Variants in GNB5 observed in about 807,000 individuals in gnomAD.
The protein encoded by GNB5 is guanine nucleotide-binding protein subunit beta-5.
In GNB5, 37 loss-of-function variants were observed where a neutral mutation model predicts 55.3. That is an observed-to-expected ratio of 0.67 (90% CI 0.51 to 0.88). The LOEUF (loss-of-function observed/expected upper bound fraction) is 0.88, where lower values mean the gene tolerates loss of function less well. Among genes scored for constraint, GNB5 ranks in the 40% least tolerant of loss-of-function variants. GNB5 has a pLI of 0.00. For missense variants in GNB5, 476 were observed against 515.3 expected, an observed-to-expected ratio of 0.92 and a Z score of 0.74; for synonymous variants, 219 against 198.5, an observed-to-expected ratio of 1.10 and a Z score of -0.87.
In GNB5 at chr15:52,120,087, T is replaced by G. The variant is rs1325880127; in HGVS notation, c.*2670A>C. 6.6e-6 allele frequency: 1 copy of G among 152,238 alleles called. No individual in the cohort carries two copies. Among genetic ancestry groups the G allele is most frequent in the Non-Finnish European group, 1.5e-5 (1 of 68,126 alleles). 9.4% of individuals were successfully genotyped at this position (152,238 alleles called of 1,614,324 possible). On this transcript the variant is annotated 3_prime_UTR_variant, in exon 13 of 13. Transcript: ENST00000261837. ...CACAGATATTTCCCATAAATACCCA[T>G]CACCCACACCTTTCTGCCTGAACTT...
intron 2 of GNB5, chr15:52,180,121 C>A (rs1382162545): frequency 3.0e-6 from 1 of 335,160 alleles, no homozygotes; most frequent in Non-Finnish European, 5.1e-6. Flanking sequence ...CCGGGAGAGG[C>A]AGGGAGTGTG....
intron 6 of GNB5, among the ~76,000 whole-genome samples, chr15:52,141,501 C>T (rs532960793): frequency 6.6e-6 from 1 of 151,058 alleles, no homozygotes; most frequent in East Asian, 1.9e-4. Context: ...CTCTTGGCCT[C>T]GAACTCGTGG....
chr15:52,190,335 T>A (rs552210044), intron 1 of GNB5, among the ~76,000 whole-genome samples: 6 of 152,170 alleles, frequency 3.9e-5, no homozygotes, highest in South Asian at 4.1e-4. Context: ...ACCAGGATGC[T>A]CTCAATCTCC....
At chr15:52,155,597 G>C (rs1016907611) in intron 3 of GNB5, among the ~76,000 whole-genome samples, 8 of 152,168 alleles carry the variant, frequency 5.3e-5, no homozygotes, top group Admixed American at 3.3e-4. Context: ...GAAAATCCAC[G>C]ATCATAGATT....
chr15:52,186,999 C>A (rs1306153132), intron 1 of GNB5, among the ~76,000 whole-genome samples: 1 of 152,210 alleles, frequency 6.6e-6, no homozygotes, highest in Non-Finnish European at 1.5e-5. Flanking sequence ...GGCAGGACAT[C>A]TGTGTTACAG....
At chr15:52,184,751 T>G (rs577445759) in intron 1 of GNB5, 57 bp from the exon 2 acceptor site, 1 of 1,423,890 alleles carries the variant, frequency 7.0e-7, no homozygotes, top group East Asian at 2.3e-5. Context: ...GTTTTAACTT[T>G]CTAAAATCTC....
chr15:52,126,136 C>A (rs954541655), intron 10 of GNB5, 92 bp from the exon 11 acceptor site: 5 of 657,736 alleles, frequency 7.6e-6, no homozygotes, highest in Non-Finnish European at 1.4e-5. Flanking sequence ...TAGTGACTTG[C>A]GTAGTTTAAA....
chr15:52,137,183 T>C (rs932496486), intron 7 of GNB5: 2 of 1,085,086 alleles, frequency 1.8e-6, no homozygotes, highest in South Asian at 1.7e-5. Flanking sequence ...CTGTGGCAGG[T>C]CAGATAACCT....
At chr15:52,140,708 T>TTTAA (rs1309558935) in intron 7 of GNB5, among the ~76,000 whole-genome samples, 1 of 152,248 alleles carries the variant, frequency 6.6e-6, no homozygotes, top group Non-Finnish European at 1.5e-5. Context: ...AGAGCAAAGA[T>TTTAA]TTAATATGGT....
intron 2 of GNB5, chr15:52,180,658 C>G (rs2034754409): frequency 6.6e-6 from 1 of 152,168 alleles, no homozygotes; most frequent in South Asian, 2.1e-4. Context: ...TCTCGGACCT[C>G]TCACTTCTGA....
chr15:52,164,107 G>C (rs909683824), intron 3 of GNB5, among the ~76,000 whole-genome samples: 34 of 150,880 alleles, frequency 2.3e-4, no homozygotes, highest in African/African-American at 8.3e-4. Flanking sequence ...TTCAAGACCA[G>C]CCTGACCAAC....
At chr15:52,138,102 C>T (rs2033768118) in intron 7 of GNB5, among the ~76,000 whole-genome samples, 1 of 152,084 alleles carries the variant, frequency 6.6e-6, no homozygotes, top group Non-Finnish European at 1.5e-5. Flanking sequence ...ATATGTTAGG[C>T]CTTGAACATA....
At chr15:52,182,610 A>G (rs1414157185) in intron 2 of GNB5, among the ~76,000 whole-genome samples, 2 of 152,308 alleles carry the variant, frequency 1.3e-5, no homozygotes, top group African/African-American at 4.8e-5. Flanking sequence ...GAGGTCAGCT[A>G]CATTCCACAG....
Position 52,145,346 on chromosome 15 carries a change from T to G in GNB5, c.494+2113A>C, listed in dbSNP as rs1056885867. ...ATCCACTTTTGAGCTATTTTAAAAA[T>G]TAAAAAATATGGGCCGGGTGCAGTG... is the stretch of plus-strand genomic sequence containing the variant. On this transcript the variant is annotated intron_variant, in intron 6 of 12. Coordinates refer to ENST00000261837, the MANE Select transcript of GNB5 (RefSeq NM_016194.4). Among the ~76,000 whole-genome samples the G allele has an allele frequency of 1.8e-4, 27 of 152,018 alleles. No homozygotes were observed. The East Asian group carries it at 5.2e-3, about 29-fold the overall frequency.
chr15:52,116,665 T>G lies in GNB5; in HGVS notation c.*6092A>C, dbSNP rs1001434311. ...ATGACAAATAGAGCTGGGGAGGCCA[T>G]GAAGAGGGGATTCTCATGCTTGTAT... On this transcript the variant is annotated 3_prime_UTR_variant, in exon 13 of 13. Transcript: ENST00000261837. 10 of 152,160 alleles carry G rather than the reference T, an allele frequency of 6.6e-5. No individual in the cohort carries two copies. Among genetic ancestry groups the G allele is most frequent in the African/African-American group, 2.4e-4 (10 of 41,442 alleles). 9.4% of individuals were successfully genotyped at this position (152,160 alleles called of 1,614,324 possible). A position where few individuals can be genotyped will look rare whatever the true frequency, so the allele number is the denominator to read the frequency against.
chr15:52,184,918 C>T (rs1331083019), intron 1 of GNB5, among the ~76,000 whole-genome samples: 6 of 152,230 alleles, frequency 3.9e-5, no homozygotes, highest in African/African-American at 7.2e-5. Context: ...GAACTTAACA[C>T]GTTTAACCAG....
At chr15:52,173,019 T>C (rs1253579926) in intron 3 of GNB5, among the ~76,000 whole-genome samples, 1 of 152,230 alleles carries the variant, frequency 6.6e-6, no homozygotes, top group Non-Finnish European at 1.5e-5. Context: ...ATCTTTTTTT[T>C]TCATTTGATA....
chr15:52,174,203 G>C (rs1337605152), intron 3 of GNB5, among the ~76,000 whole-genome samples: 2 of 152,170 alleles, frequency 1.3e-5, no homozygotes, highest in African/African-American at 4.8e-5. Flanking sequence ...CTCCCCTAAA[G>C]CTTCCAGAAG....
Position 52,118,071 on chromosome 15 carries a change from C to G in GNB5, c.*4686G>C, listed in dbSNP as rs1034060881. The G allele has an allele frequency of 6.5e-6, 1 of 152,688 alleles. No individual in the cohort carries two copies. Among genetic ancestry groups the G allele is most frequent in the Non-Finnish European group, 1.5e-5 (1 of 68,420 alleles). The allele number at this position is 152,688 out of a possible 1,614,324, so 9.5% of individuals were successfully genotyped here. A position where few individuals can be genotyped will look rare whatever the true frequency, so the allele number is the denominator to read the frequency against. The stretch of plus-strand genomic sequence containing the variant: ...GTCACAGGCCTCAGCTGGTCCCTAG[C>G]CCTTCCGACTGCCTCTCTGGGACTT... On this transcript the variant is annotated 3_prime_UTR_variant, in exon 13 of 13. Transcript: ENST00000261837.
Sources: allele counts gnomAD v4.1 joint callset (sites outside exome capture counted in the v4.1 genomes callset), GRCh38; gene constraint gnomAD v4.1.1; transcripts MANE v1.5; gene names NCBI Gene and HGNC (gene_info 2026-07-23, HGNC 2026-07-21).